Variants in BAZ2B observed in about 807,000 individuals in gnomAD.
BAZ2B encodes the protein bromodomain adjacent to zinc finger domain protein 2B.
A neutral mutation model predicts 246.0 loss-of-function variants in BAZ2B; 91 were observed. The ratio of observed to expected loss-of-function variants is 0.37; its 90% CI spans 0.31 to 0.44. The LOEUF (loss-of-function observed/expected upper bound fraction) is 0.44, where lower values mean the gene tolerates loss of function less well. BAZ2B is among the 20% of genes least tolerant of loss of function. The probability of loss-of-function intolerance (pLI) is 1.00; values close to 1 mark genes in which losing one functional copy is unlikely to be tolerated. For missense variants in BAZ2B, 2,332 were observed against 2,533.7 expected (o/e 0.92, Z 1.71); for synonymous variants, 855 against 860.0 (o/e 0.99, Z 0.10).
At chr2:159,397,167 C>G (rs535286625) in intron 19 of BAZ2B, 178 bp downstream of exon 19, 1 of 1,436,084 alleles carries the variant, frequency 7.0e-7, no homozygotes, top group African/African-American at 1.4e-5. Context: ...AATTTTTTAA[C>G]CCCCCAAAAA....
At chr2:159,709,008 A>G in the BAZ2B span, among the ~76,000 whole-genome samples, 5 of 152,194 alleles carry the variant, frequency 3.3e-5, no homozygotes, top group Non-Finnish European at 5.9e-5. Context: ...AAAAATTTAT[A>G]AAGGCACTAA....
intron 2 of BAZ2B, among the ~76,000 whole-genome samples, chr2:159,491,698 G>A (rs2080497652): frequency 9.6e-6 from 1 of 103,802 alleles, no homozygotes; most frequent in Non-Finnish European, 1.9e-5. Flanking sequence ...TCCAGCCCGG[G>A]CGACAGAGCG....
intron 1 of BAZ2B, among the ~76,000 whole-genome samples, chr2:159,576,184 T>C (rs926208052): frequency 6.6e-6 from 1 of 152,142 alleles, no homozygotes; most frequent in African/African-American, 2.4e-5. Context: ...CTTTGTAATC[T>C]TGGGCAAGTT....
chr2:159,439,219 AACG>A lies in BAZ2B; in HGVS notation c.697-10_697-8del, dbSNP rs570116535. 509 of 1,611,460 alleles carry A rather than the reference AACG, an allele frequency of 3.2e-4. 3 individuals are homozygous for A. In the African/African-American group the frequency reaches 6.0e-3, roughly 19 times the overall value. On this transcript the variant is annotated splice_polypyrimidine_tract_variant and splice_region_variant and intron_variant, in intron 6 of 36. Coordinates refer to ENST00000392783, the MANE Select transcript of BAZ2B (RefSeq NM_013450.4). ...TTGCTTTCTTCCTTGGTTTCTGGAT[AACG>A]ACAAGGTAGTTGGCAAGACTTTATT...
chr2:159,337,908 C>G (rs1331746768), intron 31 of BAZ2B, 136 bp from the exon 32 acceptor site: 2 of 769,556 alleles, frequency 2.6e-6, no homozygotes, highest in Admixed American at 3.5e-5. Context: ...CTTGTGTTTC[C>G]TAAAACTAGG....
At chr2:159,606,013 C>T (rs919937721) in intron 1 of BAZ2B, among the ~76,000 whole-genome samples, 3 of 152,168 alleles carry the variant, frequency 2.0e-5, no homozygotes, top group African/African-American at 7.2e-5. Flanking sequence ...TTCCCTAACC[C>T]TTCAACTTTT....
intron 2 of BAZ2B, among the ~76,000 whole-genome samples, chr2:159,506,176 T>A (rs1423856944): frequency 6.6e-6 from 1 of 151,864 alleles, no homozygotes; most frequent in Non-Finnish European, 1.5e-5. Context: ...TCCGAAAAAA[T>A]TTCTACAAGG....
intron 1 of BAZ2B, among the ~76,000 whole-genome samples, chr2:159,592,098 C>G (rs1689527698): frequency 6.7e-6 from 1 of 149,098 alleles, no homozygotes; most frequent in Admixed American, 6.7e-5. Context: ...CCAGCCTGGG[C>G]AACAGAGTGA....
At chr2:159,502,626 C>G (rs1023628881) in intron 2 of BAZ2B, among the ~76,000 whole-genome samples, 1 of 152,002 alleles carries the variant, frequency 6.6e-6, no homozygotes, top group African/African-American at 2.4e-5. Context: ...AGAGCAAGAC[C>G]GTCTCCAAAA....
At chr2:159,377,014 G>C (rs2061477299) in intron 25 of BAZ2B, among the ~76,000 whole-genome samples, 2 of 152,140 alleles carry the variant, frequency 1.3e-5, no homozygotes, top group African/African-American at 4.8e-5. Flanking sequence ...AGGCCAACTT[G>C]TGAGGTTAAA....
the BAZ2B span, among the ~76,000 whole-genome samples, chr2:159,711,749 T>G: frequency 6.6e-6 from 1 of 152,200 alleles, no homozygotes; most frequent in Non-Finnish European, 1.5e-5. Context: ...TTTGCCACAT[T>G]TACAGTTCTT....
intron 1 of BAZ2B, among the ~76,000 whole-genome samples, chr2:159,611,974 A>G (rs1302536957): frequency 2.6e-5 from 4 of 152,012 alleles, no homozygotes; most frequent in African/African-American, 9.7e-5. Flanking sequence ...ACACCATTTT[A>G]GTATCACATA....
At chr2:159,707,292 A>G in the BAZ2B span, among the ~76,000 whole-genome samples, 181 of 152,248 alleles carry the variant, frequency 1.2e-3, 1 homozygote, top group Non-Finnish European at 2.2e-3. Flanking sequence ...GATCGCACCT[A>G]TAATCACAGC....
chr2:159,371,546 C>T (rs2149394847), intron 27 of BAZ2B, among the ~76,000 whole-genome samples: 1 of 152,288 alleles, frequency 6.6e-6, no homozygotes, highest in South Asian at 2.1e-4. Flanking sequence ...CTTCAAGATC[C>T]TTCTTTCTGT....
the BAZ2B span, among the ~76,000 whole-genome samples, chr2:159,696,094 G>T: frequency 3.3e-5 from 5 of 152,032 alleles, no homozygotes. Flanking sequence ...TTTCTTAGGA[G>T]GGGGTTATAG....
chr2:159,376,241 A>G (rs978715785), intron 25 of BAZ2B, among the ~76,000 whole-genome samples: 1 of 152,220 alleles, frequency 6.6e-6, no homozygotes, highest in Non-Finnish European at 1.5e-5. Flanking sequence ...AGTAACCAAC[A>G]GTGTTCCTAC....
chr2:159,576,821 G>A (rs1332195705), intron 1 of BAZ2B, among the ~76,000 whole-genome samples: 1 of 148,518 alleles, frequency 6.7e-6, no homozygotes, highest in Non-Finnish European at 1.5e-5. Flanking sequence ...GCTGAGGCAG[G>A]AGAATCGCTT....
the BAZ2B span, chr2:159,694,964 C>T: frequency 6.6e-6 from 1 of 152,230 alleles, no homozygotes; most frequent in East Asian, 1.9e-4. Flanking sequence ...CAACTTTCTA[C>T]ATCCTCATCA....
intron 20 of BAZ2B, among the ~76,000 whole-genome samples, chr2:159,389,761 T>G (rs1182521788): frequency 6.6e-6 from 1 of 152,176 alleles, no homozygotes; most frequent in East Asian, 1.9e-4. Context: ...CAACTACATA[T>G]CTTATTAAAT....
Sources: gnomAD v4.1 joint callset for allele counts (sites outside exome capture counted in the v4.1 genomes callset) on GRCh38, gnomAD v4.1.1 for gene constraint, MANE v1.5 for transcripts, NCBI Gene and HGNC (gene_info 2026-07-23, HGNC 2026-07-21) for gene names.